FAM117B: variants seen among roughly 807,000 people sequenced by gnomAD.
The protein encoded by FAM117B is family with sequence similarity 117 member B, also known as protein FAM117B.
In FAM117B, 22 loss-of-function variants were observed where a neutral mutation model predicts 52.8. The ratio of observed to expected loss-of-function variants is 0.42; its 90% CI spans 0.30 to 0.59. The LOEUF is 0.59. Ranked by LOEUF, FAM117B falls within the 20% of genes least tolerant of loss-of-function variation. The pLI, the probability that FAM117B is intolerant of heterozygous loss-of-function variation, is 0.22. For missense variants in FAM117B, 678 were observed against 802.6 expected (o/e 0.84, Z 1.88); for synonymous variants, 309 against 324.1 (o/e 0.95, Z 0.50).
At chr2:202,698,056 A>G (rs1559104672) in intron 2 of FAM117B, among the ~76,000 whole-genome samples, 1 of 151,968 alleles carries the variant, frequency 6.6e-6, no homozygotes, top group Non-Finnish European at 1.5e-5. Flanking sequence ...TTTTTAGTAG[A>G]GACGGGGTTT....
intron 2 of FAM117B, among the ~76,000 whole-genome samples, chr2:202,709,383 T>C (rs546325713): frequency 1.1e-3 from 162 of 152,150 alleles, no homozygotes; most frequent in African/African-American, 3.5e-3. Context: ...TTGTATTTTA[T>C]TAGAGATGGG....
Position 202,635,054 on chromosome 2 carries a change from C to G in FAM117B, c.-134C>G, listed in dbSNP as rs188189780. 8.5e-7 allele frequency: 1 copy of G among 1,169,714 alleles called. No homozygotes were observed. Among genetic ancestry groups the G allele is most frequent in the Non-Finnish European group, 1.1e-6 (1 of 926,802 alleles). The allele number at this position is 1,169,714 out of a possible 1,614,324, so 72.5% of individuals were successfully genotyped here. On this transcript the variant is annotated 5_prime_UTR_variant, in exon 1 of 8. Transcript: ENST00000392238. ...GTTGCTGCCTGCCCCGGCCCGGTCT[C>G]CCCCTGCACCCCGGAGTCCGGCTTC...
chr2:202,722,349 C>T (rs967488272), intron 2 of FAM117B, among the ~76,000 whole-genome samples: 2 of 152,098 alleles, frequency 1.3e-5, no homozygotes, highest in African/African-American at 4.8e-5. Context: ...GTTTGTTTAA[C>T]ACCAACATAT....
chr2:202,711,961 T>C (rs1690963351), intron 2 of FAM117B, among the ~76,000 whole-genome samples: 1 of 152,222 alleles, frequency 6.6e-6, no homozygotes, highest in Admixed American at 6.5e-5. Context: ...TGTAGTATAA[T>C]TTGAAGTCAG....
chr2:202,756,367 TC>T (rs1691800846), intron 5 of FAM117B, among the ~76,000 whole-genome samples: 1 of 148,786 alleles, frequency 6.7e-6, no homozygotes, highest in South Asian at 2.1e-4. Flanking sequence ...TGAGCTGAGA[TC>T]GAAAAAAAAA....
chr2:202,672,955 G>A (rs1378366112), intron 1 of FAM117B, among the ~76,000 whole-genome samples: 1 of 152,140 alleles, frequency 6.6e-6, no homozygotes, highest in Non-Finnish European at 1.5e-5. Flanking sequence ...GGATGAGGTG[G>A]GCGGATTGCT....
At chr2:202,728,543 T>G (rs1691291371) in intron 4 of FAM117B, among the ~76,000 whole-genome samples, 1 of 152,210 alleles carries the variant, frequency 6.6e-6, no homozygotes, top group African/African-American at 2.4e-5. Context: ...TACAGATGAA[T>G]TTGCCAACCT....
chr2:202,734,380 C>T (rs1691407065), intron 4 of FAM117B, among the ~76,000 whole-genome samples: 1 of 151,942 alleles, frequency 6.6e-6, no homozygotes, highest in African/African-American at 2.4e-5. Flanking sequence ...AACAAAAAAC[C>T]CATAGTTGTA....
chr2:202,714,967 A>T (rs553124961), intron 2 of FAM117B, among the ~76,000 whole-genome samples: 1,529 of 152,252 alleles, frequency 0.01, 21 homozygotes, highest in African/African-American at 0.034. Flanking sequence ...CCGATTTCTC[A>T]GTCTTTTCCC....
chr2:202,724,051 CTTTTTTTT>C (rs34063266), intron 2 of FAM117B, among the ~76,000 whole-genome samples: 6 of 89,794 alleles, frequency 6.7e-5, no homozygotes, highest in South Asian at 4.1e-4. Context: ...TAAGGTTTAA[CTTTTTTTT>C]TTTTTTTTTT....
At chr2:202,756,101 C>T (rs940392262) in intron 5 of FAM117B, among the ~76,000 whole-genome samples, 1 of 152,136 alleles carries the variant, frequency 6.6e-6, no homozygotes, top group Non-Finnish European at 1.5e-5. Context: ...ACATGCTAGG[C>T]TATGTCATCA....
chr2:202,729,462 G>T (rs1691306619), intron 4 of FAM117B, among the ~76,000 whole-genome samples: 1 of 152,166 alleles, frequency 6.6e-6, no homozygotes, highest in South Asian at 2.1e-4. Context: ...TACTTCTGAG[G>T]CCATTCATCA....
chr2:202,722,157 C>G (rs2105786051), intron 2 of FAM117B, among the ~76,000 whole-genome samples: 1 of 151,816 alleles, frequency 6.6e-6, no homozygotes, highest in South Asian at 2.1e-4. Context: ...ATTACACGTG[C>G]CTGCCACCAC....
At chr2:202,748,701 T>C (rs185968924) in intron 4 of FAM117B, among the ~76,000 whole-genome samples, 24 of 152,218 alleles carry the variant, frequency 1.6e-4, no homozygotes, top group Admixed American at 1.4e-3. Flanking sequence ...CCAACAAATA[T>C]ATATTTTAAA....
chr2:202,651,926 G>A (rs1441492486), intron 1 of FAM117B, among the ~76,000 whole-genome samples: 1 of 151,698 alleles, frequency 6.6e-6, no homozygotes, highest in East Asian at 2.0e-4. Context: ...GGTGATGCAT[G>A]CCTGTAATCC....
chr2:202,687,364 G>A (rs1690557616), intron 1 of FAM117B, among the ~76,000 whole-genome samples: 1 of 152,200 alleles, frequency 6.6e-6, no homozygotes, highest in Non-Finnish European at 1.5e-5. Flanking sequence ...CTTGATGGTA[G>A]TAGTGATTTA....
intron 7 of FAM117B, among the ~76,000 whole-genome samples, chr2:202,763,892 G>A (rs1270502067): frequency 2.0e-5 from 3 of 151,980 alleles, no homozygotes; most frequent in Admixed American, 6.5e-5. Context: ...CAGCTCAGAG[G>A]GTTACTACCA....
intron 3 of FAM117B, 69 bp downstream of exon 3, chr2:202,725,078 T>A: frequency 8.5e-7 from 1 of 1,172,170 alleles, no homozygotes; most frequent in Non-Finnish European, 1.2e-6. Context: ...TCCTTGATAT[T>A]ATGGGCAGCA....
At chr2:202,764,786 T>A (rs988379015) in intron 7 of FAM117B, among the ~76,000 whole-genome samples, 2 of 152,228 alleles carry the variant, frequency 1.3e-5, no homozygotes, top group Non-Finnish European at 2.9e-5. Flanking sequence ...GGATTTGGCT[T>A]TAATAAAAAG....
Sources: gnomAD v4.1 joint callset for allele counts (sites outside exome capture counted in the v4.1 genomes callset) on GRCh38, gnomAD v4.1.1 for gene constraint, MANE v1.5 for transcripts, NCBI Gene and HGNC (gene_info 2026-07-23, HGNC 2026-07-21) for gene names.